The following ZNF439 variants were observed in gnomAD, a reference collection of about 807,000 sequenced individuals.
ZNF439 encodes zinc finger protein 439.
Under a neutral mutation model 47.3 loss-of-function variants are expected in ZNF439, and 40 were observed. That is an observed-to-expected ratio of 0.85 (90% confidence interval 0.66 to 1.10). The LOEUF (loss-of-function observed/expected upper bound fraction) is 1.10, where lower values mean the gene tolerates loss of function less well. ZNF439 is among the 50% of genes least tolerant of loss of function. The pLI is 0.00. For synonymous variants in ZNF439, 171 were observed against 198.8 expected (o/e 0.86, Z 1.18); for missense variants, 556 against 601.1 (o/e 0.93, Z 0.78).
rs1386922491 is a variant in ZNF439, at chr19:11,849,708, GGAAGGAATGCT to G, written c.63+786_63+796del. 11 of 152,272 alleles carry G rather than the reference GGAAGGAATGCT, an allele frequency of 7.2e-5. No homozygotes were observed. In the East Asian group the frequency reaches 9.7e-4, roughly 13 times the overall value. 9.4% of individuals were successfully genotyped at this position (152,272 alleles called of 1,614,324 possible). ...CTTTGTCTAAAGTTTGGAGGAGGTA[GGAAGGAATGCT>G]GAAGGAAGGGGGTCTGTTATCTGCC... On this transcript the variant is annotated intron_variant, in intron 1 of 3. Transcript: ENST00000682736.
chr19:11,859,764 C>T (rs948465967), intron 1 of ZNF439, among the ~76,000 whole-genome samples: 6 of 152,086 alleles, frequency 3.9e-5, no homozygotes, highest in South Asian at 2.1e-4. Flanking sequence ...TTTCTGCTAC[C>T]GAAGGAGGCA....
Position 11,868,873 on chromosome 19 carries a change from A to C in ZNF439, c.*304A>C, listed in dbSNP as rs1976792222. On this transcript the variant is annotated 3_prime_UTR_variant, in exon 4 of 4. Transcript: ENST00000682736. ...AATTTCTCTTCTTTTCAAATACATG[A>C]AAGTTGCACAGAGGAGAGGCGCCCT... 1 of 422,586 alleles carries C rather than the reference A, an allele frequency of 2.4e-6. No individual in the cohort carries two copies. The highest frequency in any genetic ancestry group is 4.5e-6 in the Non-Finnish European group (1 of 221,898). The allele number at this position is 422,586 out of a possible 1,614,324, so 26.2% of individuals were successfully genotyped here.
intron 2 of ZNF439, 87 bp from the exon 3 acceptor site, chr19:11,866,450 G>T: frequency 6.2e-7 from 1 of 1,602,310 alleles, no homozygotes. Context: ...AATGAGGCAT[G>T]GCTGCTGTAA....
At position 11,866,024 on chromosome 19, in the gene ZNF439, A is replaced by C; in HGVS notation, c.64-181A>C. ...GAGTGAAATTCTGTCTCAAAAAAAT[A>C]AAAAAAAAAATTGCTTTATGGAAGA... On this transcript the variant is annotated intron_variant, in intron 1 of 3. Transcript: ENST00000682736. 3 of 904,214 alleles carry C rather than the reference A, an allele frequency of 3.3e-6. No homozygotes were observed. In the South Asian group the frequency reaches 9.6e-5, roughly 29 times the overall value. 56.0% of individuals were successfully genotyped at this position (904,214 alleles called of 1,614,324 possible).
At chr19:11,863,353 G>A (rs962089954) in intron 1 of ZNF439, among the ~76,000 whole-genome samples, 2 of 151,454 alleles carry the variant, frequency 1.3e-5, no homozygotes, top group African/African-American at 4.8e-5. Flanking sequence ...TAGAGGCGGG[G>A]TTTCACCATG....
At chr19:11,852,670 C>T (rs183554727) in intron 1 of ZNF439, among the ~76,000 whole-genome samples, 2 of 152,126 alleles carry the variant, frequency 1.3e-5, no homozygotes, top group Non-Finnish European at 2.9e-5. Context: ...CCACCATACT[C>T]GGCTAATTTT....
At chr19:11,864,389 C>T (rs1178903506) in intron 1 of ZNF439, among the ~76,000 whole-genome samples, 1 of 152,058 alleles carries the variant, frequency 6.6e-6, no homozygotes. Context: ...CCTCTGCCTC[C>T]CGGGTTCAAA....
In ZNF439 at chr19:11,848,741, A is replaced by G. The variant is rs983681277; in HGVS notation, c.-127A>G. The G allele has an allele frequency of 4.1e-6, 5 of 1,210,564 alleles. No individual in the cohort carries two copies. Among genetic ancestry groups the G allele is most frequent in the Admixed American group, 3.1e-5 (1 of 32,262 alleles). 75.0% of individuals were successfully genotyped at this position (1,210,564 alleles called of 1,614,324 possible). ...GGCCCTGCCCACTGTGCATCCAGGCACGGAGGATGTTGCATTCCTGCCGTC... is the reference window on the plus strand; with the variant it reads ...GGCCCTGCCCACTGTGCATCCAGGCGCGGAGGATGTTGCATTCCTGCCGTC... On this transcript the variant is annotated 5_prime_UTR_variant, in exon 1 of 4. Transcript: ENST00000682736.
In ZNF439 at chr19:11,868,001, G is replaced by C; in HGVS notation, c.947G>C (p.Arg316Pro). The part of the protein sequence containing the change: ...KECGKAFMCP[R>P]YVRRHERTHS... ...TGTGGAAAAGCATTCATGTGTCCCC[G>C]TTATGTTCGTAGACATGAAAGGACC... The change falls in exon 4 of 4, where the codon CGT (arginine) becomes CCT (proline). Residue 316 changes from arginine to proline, a missense_variant. Arg to Pro is a moderately radical substitution (Grantham distance 103). Coordinates refer to ENST00000682736, the MANE Select transcript of ZNF439 (RefSeq NM_001348719.2). 6.2e-7 allele frequency: 1 copy of C among 1,614,018 alleles called. No homozygotes were observed. Among genetic ancestry groups the C allele is most frequent in the Non-Finnish European group, 8.5e-7 (1 of 1,179,976 alleles).
At chr19:11,858,458 T>A (rs1334481960) in intron 1 of ZNF439, among the ~76,000 whole-genome samples, 1 of 122,968 alleles carries the variant, frequency 8.1e-6, no homozygotes, top group Non-Finnish European at 1.6e-5. Context: ...AGAGCGAGAC[T>A]CCATCTCGGA....
intron 1 of ZNF439, 190 bp downstream of exon 1, chr19:11,849,120 G>GC (rs1976157364): frequency 8.6e-7 from 1 of 1,157,122 alleles, no homozygotes; most frequent in African/African-American, 1.7e-5. Flanking sequence ...TCCCGTCCCT[G>GC]CCCGTCGACT....
rs1401236133 is a variant in ZNF439, at chr19:11,868,387, T to C, written c.1333T>C (p.Cys445Arg). 2.0e-5 allele frequency: 32 copies of C among 1,613,330 alleles called. No individual in the cohort carries two copies. The Admixed American group carries it at 5.2e-4, about 26-fold the overall frequency. The change falls in exon 4 of 4, where the codon TGT (cysteine) becomes CGT (arginine). Residue 445 changes from cysteine (C) to arginine (R), a missense_variant. Transcript: ENST00000682736. ...TCACACTGGAGAGAAACCGTATCAA[T>C]GTAAGGAATGTGGGAAAGCTTTCAG... ...RTHTGEKPYQ[C>R]KECGKAFRSA... is the part of the protein sequence containing the mutation.
intron 1 of ZNF439, among the ~76,000 whole-genome samples, chr19:11,865,335 A>G (rs975993877): frequency 1.4e-4 from 21 of 151,182 alleles, no homozygotes; most frequent in Admixed American, 1.1e-3. Context: ...ATCAGCATCT[A>G]TCTAGCTACA....
At position 11,868,560 on chromosome 19, in the gene ZNF439, G is replaced by A. The variant is rs926882273; in HGVS notation, c.1506G>A (p.Lys502=). The A allele has an allele frequency of 1.2e-6, 2 of 1,605,122 alleles. No homozygotes were observed. Among genetic ancestry groups the A allele is most frequent in the Non-Finnish European group, 1.7e-6 (2 of 1,176,574 alleles). The change falls in exon 4 of 4, where the codon AAG becomes AAA. Residue 502 remains lysine, a synonymous_variant. Transcript: ENST00000682736. ...CACATAAGAATGCACTCTGGAGAAA[G>A]ACCTTATAAATATAAGATATATGGG... ...TQTHKNALWR[K]TL is the part of the protein sequence containing the mutation.
intron 1 of ZNF439, chr19:11,850,885 G>T (rs1364471185): frequency 6.6e-6 from 1 of 152,144 alleles, no homozygotes; most frequent in East Asian, 1.9e-4. Context: ...AGAAAAATTA[G>T]CCGGATGTGG....
chr19:11,855,103 A>G (rs282749), intron 1 of ZNF439, among the ~76,000 whole-genome samples: 77,183 of 152,042 alleles, frequency 0.51, 20,228 homozygotes, highest in African/African-American at 0.61. Context: ...CCTGCTCCAC[A>G]CCAAGCAATC....
chr19:11,852,080 G>A lies in ZNF439; in HGVS notation c.63+3150G>A, dbSNP rs1348823532. ...CAACTGAAGACAATGTGATAGCCAT[G>A]AAGTCTTTGTGTGAGAAAGTTAAGA... On this transcript the variant is annotated intron_variant, in intron 1 of 3. Coordinates refer to ENST00000682736, the MANE Select transcript of ZNF439 (RefSeq NM_001348719.2). Among the ~76,000 whole-genome samples, 6 of 152,156 alleles carry A rather than the reference G, an allele frequency of 3.9e-5. No individual in the cohort carries two copies. In the East Asian group the frequency reaches 1.2e-3, roughly 29 times the overall value.
chr19:11,868,183 C>T lies in ZNF439; in HGVS notation c.1129C>T (p.His377Tyr). 3.1e-6 allele frequency: 5 copies of T among 1,613,916 alleles called. No homozygotes were observed. The South Asian group carries it at 4.4e-5, about 14-fold the overall frequency. The change falls in exon 4 of 4, where the codon CAT (histidine) becomes TAT (tyrosine). Residue 377 changes from histidine to tyrosine, a missense_variant. Coordinates refer to ENST00000682736, the MANE Select transcript of ZNF439 (RefSeq NM_001348719.2). ...TTATTCTGCCAAGTCATTTCAAAGA[C>T]ATGAAAAAACTCACAGTGGAGAGAA... The part of the protein sequence containing the change: ...GFYSAKSFQR[H>Y]EKTHSGEKPY...
chr19:11,863,984 GT>G (rs1344666271), intron 1 of ZNF439, among the ~76,000 whole-genome samples: 1 of 151,752 alleles, frequency 6.6e-6, no homozygotes, highest in Admixed American at 6.6e-5. Context: ...TTGACCTCCG[GT>G]TTTGCATTTT....
Sources: gnomAD v4.1 joint callset for allele counts (sites outside exome capture counted in the v4.1 genomes callset) on GRCh38, gnomAD v4.1.1 for gene constraint, MANE v1.5 for transcripts, NCBI Gene and HGNC (gene_info 2026-07-23, HGNC 2026-07-21) for gene names.